The following PPFIBP1 variants were observed in gnomAD, a reference collection of about 807,000 sequenced individuals.
PPFIBP1 encodes the protein PPFIB scaffold protein 1, also known as liprin-beta-1.
PPFIBP1 carries 112 observed loss-of-function variants against 137.8 expected under a neutral mutation model. The ratio of observed to expected loss-of-function variants is 0.81; its 90% CI spans 0.70 to 0.95. The LOEUF (loss-of-function observed/expected upper bound fraction) is 0.95, where lower values mean the gene tolerates loss of function less well. Among genes scored for constraint, PPFIBP1 ranks in the 40% least tolerant of loss-of-function variants. PPFIBP1 has a pLI of 0.00. For missense variants in PPFIBP1, 1,083 were observed against 1,196.6 expected, an observed-to-expected ratio of 0.91 and a Z score of 1.40; for synonymous variants, 378 against 417.3, an observed-to-expected ratio of 0.91 and a Z score of 1.15.
chr12:27,550,231 CG>C (rs548952936), intron 1 of PPFIBP1, among the ~76,000 whole-genome samples: 61 of 152,244 alleles, frequency 4.0e-4, no homozygotes, highest in African/African-American at 1.3e-3. Flanking sequence ...TCCAAGGCTC[CG>C]GGTGGGGTGT....
intron 2 of PPFIBP1, among the ~76,000 whole-genome samples, chr12:27,595,075 A>G (rs2053033184): frequency 6.6e-6 from 1 of 152,228 alleles, no homozygotes; most frequent in African/African-American, 2.4e-5. Flanking sequence ...TGGACCAAAC[A>G]TCACAAATAT....
At chr12:27,526,765 G>T (rs1053471160) in intron 1 of PPFIBP1, among the ~76,000 whole-genome samples, 1 of 152,188 alleles carries the variant, frequency 6.6e-6, no homozygotes, top group Admixed American at 6.5e-5. Flanking sequence ...AACCCAGGAG[G>T]CGGAGGTTGC....
intron 6 of PPFIBP1, among the ~76,000 whole-genome samples, chr12:27,649,334 C>T (rs2058732887): frequency 6.6e-6 from 1 of 152,068 alleles, no homozygotes; most frequent in South Asian, 2.1e-4. Flanking sequence ...GAATTTCTAC[C>T]TGATAAGTTT....
chr12:27,688,192 T>G, intron 25 of PPFIBP1, 106 bp from the exon 26 acceptor site: 1 of 1,285,142 alleles, frequency 7.8e-7, no homozygotes, highest in Non-Finnish European at 1.1e-6. Flanking sequence ...TTTTTCCCTT[T>G]CTTTTTGCAT....
chr12:27,539,792 G>A (rs306655), intron 1 of PPFIBP1, among the ~76,000 whole-genome samples: 7,103 of 152,080 alleles, frequency 0.047, 226 homozygotes, highest in Non-Finnish European at 0.073. Flanking sequence ...TTAAAAAAAA[G>A]GCATCAGTAA....
intron 1 of PPFIBP1, among the ~76,000 whole-genome samples, chr12:27,550,570 G>A (rs536691782): frequency 1.2e-4 from 18 of 152,238 alleles, no homozygotes; most frequent in African/African-American, 4.3e-4. Context: ...CTCAGAGAGA[G>A]GTAGGTAATA....
chr12:27,610,589 A>G (rs1191503238), intron 2 of PPFIBP1, among the ~76,000 whole-genome samples: 2 of 152,198 alleles, frequency 1.3e-5, no homozygotes, highest in Non-Finnish European at 2.9e-5. Flanking sequence ...AGCAGAAAAC[A>G]TGGGAGGAGA....
chr12:27,586,118 G>A (rs182295358), intron 2 of PPFIBP1, among the ~76,000 whole-genome samples: 183 of 152,310 alleles, frequency 1.2e-3, no homozygotes, highest in African/African-American at 4.3e-3. Flanking sequence ...ACAGCCCTTT[G>A]AGGCTAATAC....
chr12:27,587,622 CAAAAAAAAAAAA>C (rs35185831), intron 2 of PPFIBP1, among the ~76,000 whole-genome samples: 1 of 73,528 alleles, frequency 1.4e-5, no homozygotes, highest in East Asian at 4.2e-4. Context: ...GACTCCATCT[CAAAAAAAAAAAA>C]AAAAAAAAAG....
At chr12:27,629,272 T>C (rs1308007035) in intron 2 of PPFIBP1, among the ~76,000 whole-genome samples, 5 of 152,216 alleles carry the variant, frequency 3.3e-5, no homozygotes, top group Admixed American at 6.5e-5. Context: ...TAAATGGGAT[T>C]GACATTGGGA....
rs2060931507 is a variant in PPFIBP1, at chr12:27,682,447, G to A, written c.2107G>A (p.Gly703Arg). The A allele has an allele frequency of 1.9e-6, 3 of 1,613,934 alleles. No homozygotes were observed. Among genetic ancestry groups the A allele is most frequent in the Non-Finnish European group, 2.5e-6 (3 of 1,179,966 alleles). ...ACTCCAGCTAGCACTCCAAGCCCTG[G>A]GATCTGAAGAAGAAACCAATCATGG... ...KKLQLALQAL[G>R]SEEETNHGKL... is the part of the protein sequence containing the mutation. Residue 703 changes from glycine to arginine, a missense_variant, in exon 23 of 30, where the codon GGA (glycine) becomes AGA (arginine). By Grantham distance (125) the Gly-to-Arg change is moderately radical. Transcript: ENST00000228425.
chr12:27,658,869 A>G (rs781249596), intron 10 of PPFIBP1, 21 bp downstream of exon 10: 7 of 1,608,118 alleles, frequency 4.4e-6, no homozygotes, highest in Non-Finnish European at 6.0e-6. Flanking sequence ...GTGCATTTCC[A>G]TCAGCCTTTA....
rs148413176 is a variant in PPFIBP1 at position 27,536,699 on chromosome 12, C to G, written c.-124+12334C>G. On this transcript the variant is annotated intron_variant, in intron 1 of 29. Coordinates refer to ENST00000228425, the MANE Select transcript of PPFIBP1 (RefSeq NM_003622.4). ...CCAAATCATATCACATCGTTCTCCT[C>G]TGCTCACTTGTGGGCTCCATTGTCC... Among the ~76,000 whole-genome samples the G allele has an allele frequency of 2.7e-3, 412 of 152,360 alleles. 1 individual carries two copies. The highest frequency in any genetic ancestry group is 9.3e-3 in the African/African-American group (385 of 41,584).
chr12:27,638,547 G>A (rs982908886), intron 4 of PPFIBP1, among the ~76,000 whole-genome samples: 2 of 152,180 alleles, frequency 1.3e-5, no homozygotes, highest in Non-Finnish European at 2.9e-5. Flanking sequence ...ACTTAGGATT[G>A]TAAGGACCCT....
chr12:27,690,677 G>C (rs1227568375), intron 27 of PPFIBP1, among the ~76,000 whole-genome samples: 1 of 152,198 alleles, frequency 6.6e-6, no homozygotes, highest in Non-Finnish European at 1.5e-5. Context: ...AATGCAGACA[G>C]CCCATAACTT....
In PPFIBP1 at chr12:27,689,184, C is replaced by A; in HGVS notation, c.2666C>A (p.Thr889Lys). The change falls in exon 27 of 30, where the codon ACA (threonine) becomes AAA (lysine). Residue 889 changes from threonine (T) to lysine (K), a missense_variant. Physicochemically the swap from Thr to Lys is moderately conservative, Grantham distance 78. Transcript: ENST00000228425. ...GAGCTGCCGGATTATGTACTTCTAA[C>A]AGCTACTGCCAAAGTGAAGGTTGGT... ...AMELPDYVLL[T>K]ATAKVKPKKL... 6.4e-7 allele frequency: 1 copy of A among 1,570,838 alleles called. No homozygotes were observed. The highest frequency in any genetic ancestry group is 1.2e-5 in the South Asian group (1 of 83,170).
chr12:27,627,703 G>A (rs2056936412), intron 2 of PPFIBP1, among the ~76,000 whole-genome samples: 1 of 152,208 alleles, frequency 6.6e-6, no homozygotes, highest in Middle Eastern at 3.4e-3. Flanking sequence ...CAATGCTTTA[G>A]CCACCACATC....
chr12:27,661,068 G>A, intron 11 of PPFIBP1, 123 bp downstream of exon 11: 1 of 1,408,946 alleles, frequency 7.1e-7, no homozygotes, highest in Non-Finnish European at 9.5e-7. Context: ...AGGAGTGAGG[G>A]GCAGGTGTGC....
intron 1 of PPFIBP1, among the ~76,000 whole-genome samples, chr12:27,544,185 T>C (rs1945980479): frequency 6.6e-6 from 1 of 152,138 alleles, no homozygotes; most frequent in Non-Finnish European, 1.5e-5. Flanking sequence ...TCCCCCCTGA[T>C]TTTTAAATTT....
Sources: allele counts gnomAD v4.1 joint callset (sites outside exome capture counted in the v4.1 genomes callset), GRCh38; gene constraint gnomAD v4.1.1; transcripts MANE v1.5; gene names NCBI Gene and HGNC (gene_info 2026-07-23, HGNC 2026-07-21).